Variants in SNX1 observed in about 807,000 individuals in gnomAD.
SNX1 encodes sorting nexin-1.
In SNX1, 36 loss-of-function variants were observed where a neutral mutation model predicts 71.8. The ratio of observed to expected loss-of-function variants is 0.50; its 90% CI spans 0.38 to 0.66. The LOEUF is 0.66. Among genes scored for constraint, SNX1 ranks in the 30% least tolerant of loss-of-function variants. The pLI, the probability that SNX1 is intolerant of heterozygous loss-of-function variation, is 0.00. For synonymous variants in SNX1, 254 were observed against 240.7 expected (o/e 1.06, Z -0.51); for missense variants, 612 against 646.7 (o/e 0.95, Z 0.58).
At chr15:64,106,054 T>C (rs2081018071) in intron 1 of SNX1, among the ~76,000 whole-genome samples, 1 of 152,196 alleles carries the variant, frequency 6.6e-6, no homozygotes, top group Admixed American at 6.5e-5. Context: ...GATTTTACAT[T>C]AATAACATAC....
rs1030038596 is a variant in SNX1 at position 64,138,943 on chromosome 15, T to C, written c.*1325T>C. ...GTTCTCTTTGGTGGGGGGCTAAGGT[T>C]TGGGGCGAGGCAACCTGAGACAAGA... On this transcript the variant is annotated 3_prime_UTR_variant, in exon 15 of 15. Transcript: ENST00000559844. The C allele has an allele frequency of 2.0e-5, 3 of 152,256 alleles. No individual in the cohort carries two copies. The highest frequency in any genetic ancestry group is 4.8e-5 in the African/African-American group (2 of 41,428). The allele number at this position is 152,256 out of a possible 1,614,324, so 9.4% of individuals were successfully genotyped here.
Position 64,134,391 on chromosome 15 carries a change from A to C in SNX1, c.1222-273A>C, listed in dbSNP as rs985816120. ...ACTTCTGTAAGCCATAGTATTGGTC[A>C]CTGGCATGAGGCCACCTACTGGATC... On this transcript the variant is annotated intron_variant, in intron 11 of 14. Transcript: ENST00000559844. The surrounding 1 kb of genome is among the most constrained non-coding windows in gnomAD (Gnocchi z 4.1). 8 of 439,454 alleles carry C rather than the reference A, an allele frequency of 1.8e-5. No homozygotes were observed. The highest frequency in any genetic ancestry group is 1.4e-4 in the African/African-American group (7 of 50,234). 27.2% of individuals were successfully genotyped at this position (439,454 alleles called of 1,614,324 possible).
At chr15:64,122,219 G>T (rs1263393877) in intron 4 of SNX1, among the ~76,000 whole-genome samples, 4 of 151,076 alleles carry the variant, frequency 2.6e-5, no homozygotes, top group African/African-American at 9.7e-5. Flanking sequence ...TAACTATTCT[G>T]CTGTGAATGA....
At chr15:64,123,450 T>G in intron 4 of SNX1, 53 bp from the exon 5 acceptor site, 1 of 1,462,358 alleles carries the variant, frequency 6.8e-7, no homozygotes, top group Non-Finnish European at 9.6e-7. Flanking sequence ...GTTAGCTGGA[T>G]TGGCACTGCT....
chr15:64,123,437 A>G (rs368333360), intron 4 of SNX1, 66 bp from the exon 5 acceptor site: 219 of 1,378,866 alleles, frequency 1.6e-4, no homozygotes, highest in Admixed American at 1.0e-4. Flanking sequence ...TTCCTGGTCA[A>G]ATGTTAGCTG....
chr15:64,127,241 C>T lies in SNX1; in HGVS notation c.720C>T (p.Ala240=), dbSNP rs755511602. ...CAGAATTTCTTGAAAAACGGAGGGC[C>T]GCTTTAGAAAGGTAAGTGCCATGCA... ...SSAEFLEKRR[A]ALERYLQRIV... The change falls in exon 7 of 15, where the codon GCC becomes GCT. Residue 240 remains alanine, a synonymous_variant. Coordinates refer to ENST00000559844, the MANE Select transcript of SNX1 (RefSeq NM_003099.5). The T allele has an allele frequency of 1.9e-5, 31 of 1,612,832 alleles. No individual in the cohort carries two copies. The highest frequency in any genetic ancestry group is 2.5e-5 in the Non-Finnish European group (29 of 1,179,416).
chr15:64,120,506 G>A (rs997846668), intron 4 of SNX1, among the ~76,000 whole-genome samples: 5 of 151,840 alleles, frequency 3.3e-5, no homozygotes, highest in African/African-American at 1.2e-4. Flanking sequence ...GGCCAAAATG[G>A]TGGTCATTAA....
intron 2 of SNX1, 43 bp from the exon 3 acceptor site, chr15:64,118,074 A>G (rs1595989088): frequency 1.9e-6 from 3 of 1,600,134 alleles, no homozygotes; most frequent in Non-Finnish European, 2.6e-6. Flanking sequence ...GCCTTCAAAG[A>G]CTCATTACTG....
intron 1 of SNX1, among the ~76,000 whole-genome samples, chr15:64,110,749 G>A (rs1468924846): frequency 6.6e-6 from 1 of 152,112 alleles, no homozygotes; most frequent in African/African-American, 2.4e-5. Context: ...AGAGGTATGA[G>A]TACTCTAGTT....
chr15:64,138,610 A>G lies in SNX1; in HGVS notation c.*992A>G, dbSNP rs2081385366. 6.3e-6 allele frequency: 1 copy of G among 158,678 alleles called. No homozygotes were observed. 9.8% of individuals were successfully genotyped at this position (158,678 alleles called of 1,614,324 possible). A position where few individuals can be genotyped will look rare whatever the true frequency, so the allele number is the denominator to read the frequency against. ...GAGCTCCTGAACCTTAGGAGGTTCA[A>G]AGAAGCTCTACTGTCTGTGCCCAGG... On this transcript the variant is annotated 3_prime_UTR_variant, in exon 15 of 15. Coordinates refer to ENST00000559844, the MANE Select transcript of SNX1 (RefSeq NM_003099.5).
At chr15:64,132,832 T>C (rs2140159428) in intron 11 of SNX1, among the ~76,000 whole-genome samples, 1 of 152,336 alleles carries the variant, frequency 6.6e-6, no homozygotes, top group East Asian at 1.9e-4. Context: ...GGAAGGTTGC[T>C]CATTGTCCTC....
intron 2 of SNX1, among the ~76,000 whole-genome samples, chr15:64,117,749 G>T (rs995944025): frequency 6.6e-6 from 1 of 151,974 alleles, no homozygotes; most frequent in African/African-American, 2.4e-5. Context: ...CCCAGATCGT[G>T]CCACTGCACT....
chr15:64,130,245 C>G lies in SNX1; in HGVS notation c.939C>G (p.Leu313=). 1.2e-6 allele frequency: 2 copies of G among 1,613,968 alleles called. No homozygotes were observed. Among genetic ancestry groups the G allele is most frequent in the Non-Finnish European group, 1.7e-6 (2 of 1,179,958 alleles). ...TGTTTCAGTGGTTTGAGGAGAAGCT[C>G]CAGGAGGTAGAGTGTGAGGAGCAGC... ...NESDIWFEEK[L]QEVECEEQRL... The change falls in exon 10 of 15, where the codon CTC becomes CTG. Residue 313 remains leucine, a synonymous_variant. Coordinates refer to ENST00000559844, the MANE Select transcript of SNX1 (RefSeq NM_003099.5).
chr15:64,136,661 C>T (rs117752476), intron 13 of SNX1, among the ~76,000 whole-genome samples, 200 bp from the exon 14 acceptor site: 7 of 152,134 alleles, frequency 4.6e-5, no homozygotes, highest in African/African-American at 7.2e-5. Context: ...CCTGTCGTTT[C>T]TCCTCCACTT....
chr15:64,105,468 A>G lies in SNX1; in HGVS notation c.160-7105A>G, dbSNP rs573829060. On this transcript the variant is annotated intron_variant, in intron 1 of 14. Transcript: ENST00000559844. ...AATAAATCATGAGTAGTTGATAGTTACTAGAGCAAGTAGCCGTAAGTATCT... is the reference window on the plus strand; with the variant it reads ...AATAAATCATGAGTAGTTGATAGTTGCTAGAGCAAGTAGCCGTAAGTATCT... Among the ~76,000 whole-genome samples, 299 of 152,372 alleles carry G rather than the reference A, an allele frequency of 2.0e-3. 2 individuals carry two copies. Among genetic ancestry groups the G allele is most frequent in the Non-Finnish European group, 3.3e-3 (223 of 68,038 alleles).
chr15:64,126,281 A>T (rs1207920942), intron 6 of SNX1, 61 bp downstream of exon 6: 1 of 1,562,828 alleles, frequency 6.4e-7, no homozygotes, highest in East Asian at 2.2e-5. Context: ...TCCAAAATTC[A>T]CTCACTGTTC....
At chr15:64,128,180 AGTGTT>A (rs1345281473) in intron 8 of SNX1, among the ~76,000 whole-genome samples, 1 of 152,230 alleles carries the variant, frequency 6.6e-6, no homozygotes, top group African/African-American at 2.4e-5. Flanking sequence ...ATGTAGGAAA[AGTGTT>A]GATTGAAGTA....
intron 1 of SNX1, among the ~76,000 whole-genome samples, chr15:64,107,452 G>A (rs760731173): frequency 7.2e-5 from 11 of 152,194 alleles, no homozygotes; most frequent in Non-Finnish European, 1.6e-4. Flanking sequence ...GGGGCAGCAA[G>A]CCTGTTTCTG....
intron 4 of SNX1, among the ~76,000 whole-genome samples, chr15:64,122,159 C>G (rs2081202569): frequency 6.6e-6 from 1 of 152,144 alleles, no homozygotes; most frequent in Admixed American, 6.5e-5. Flanking sequence ...TTTAGACTTT[C>G]TTAACTGCAG....
Sources: gnomAD v4.1 joint callset for allele counts (sites outside exome capture counted in the v4.1 genomes callset) on GRCh38, gnomAD v4.1.1 for gene constraint, Gnocchi (gnomAD v3.1) non-coding constraint, MANE v1.5 for transcripts, NCBI Gene and HGNC (gene_info 2026-07-23, HGNC 2026-07-21) for gene names.